The following SLC35F4 variants were observed in gnomAD, a reference collection of about 807,000 sequenced individuals.
SLC35F4 encodes the protein chromosome 14 open reading frame 36.
In SLC35F4, 24 loss-of-function variants were observed where a neutral mutation model predicts 44.2. The observed-to-expected ratio is 0.54, with a 90% CI of 0.39 to 0.76. The LOEUF (loss-of-function observed/expected upper bound fraction) is 0.76, where lower values mean the gene tolerates loss of function less well. Ranked by LOEUF, SLC35F4 falls within the 30% of genes least tolerant of loss-of-function variation. The probability of loss-of-function intolerance (pLI) is 0.00; values close to 1 mark genes in which losing one functional copy is unlikely to be tolerated. For missense variants in SLC35F4, 562 were observed against 586.1 expected (o/e 0.96, Z 0.42); for synonymous variants, 238 against 223.6 (o/e 1.06, Z -0.57).
At chr14:57,822,179 T>C (rs1470858958) in intron 1 of SLC35F4, among the ~76,000 whole-genome samples, 10 of 152,186 alleles carry the variant, frequency 6.6e-5, no homozygotes, top group Admixed American at 6.5e-4. Flanking sequence ...TTTACCTTTG[T>C]CTTGGAGCAC....
intron 3 of SLC35F4, among the ~76,000 whole-genome samples, chr14:57,586,633 T>C (rs61638240): frequency 0.34 from 50,154 of 145,710 alleles, 8,522 homozygotes; most frequent in Middle Eastern, 0.4. Flanking sequence ...CAGGAGAATG[T>C]CGTGAACCCA....
chr14:57,843,583 T>C (rs964769643), intron 1 of SLC35F4, among the ~76,000 whole-genome samples: 2 of 152,168 alleles, frequency 1.3e-5, no homozygotes, highest in Non-Finnish European at 2.9e-5. Flanking sequence ...TAATCTCACC[T>C]AAACTACCAC....
chr14:57,777,588 G>C (rs2077453358), intron 1 of SLC35F4, among the ~76,000 whole-genome samples: 1 of 151,958 alleles, frequency 6.6e-6, no homozygotes, highest in South Asian at 2.1e-4. Flanking sequence ...GAGAACACAT[G>C]GACACAGGGC....
intron 1 of SLC35F4, among the ~76,000 whole-genome samples, chr14:57,755,157 A>G (rs552481991): frequency 6.6e-6 from 1 of 152,252 alleles, no homozygotes; most frequent in Admixed American, 6.5e-5. Flanking sequence ...AGTGAACCCA[A>G]TTTAGTGGCC....
intron 1 of SLC35F4, among the ~76,000 whole-genome samples, chr14:57,879,517 G>A (rs922050141): frequency 4.6e-5 from 7 of 152,124 alleles, no homozygotes; most frequent in East Asian, 3.9e-4. Flanking sequence ...CCAACCATAC[G>A]CTTCAGCCAA....
intron 1 of SLC35F4, among the ~76,000 whole-genome samples, chr14:57,622,922 T>G (rs1594617929): frequency 6.6e-6 from 1 of 151,988 alleles, no homozygotes; most frequent in Admixed American, 6.6e-5. Flanking sequence ...GCAAAATAAC[T>G]AGCTAGCATC....
downstream of SLC35F4, among the ~76,000 whole-genome samples, chr14:57,976,525 C>T (rs924874816): frequency 3.9e-5 from 6 of 152,190 alleles, no homozygotes; most frequent in East Asian, 1.9e-4. Flanking sequence ...ACATCCCAAG[C>T]GGACTTGCAG....
At position 57,571,981 on chromosome 14, in the gene SLC35F4, C is replaced by A; in HGVS notation, c.846G>T (p.Met282Ile). Residue 282 changes from methionine (M) to isoleucine (I), a missense_variant, in exon 5 of 8, where the codon ATG (methionine) becomes ATT (isoleucine). Coordinates refer to ENST00000556826, the MANE Select transcript of SLC35F4 (RefSeq NM_001306087.2). ...CGTGGAAATTATCTGCATATGCCAT[C>A]ATGACAATGCCGGTAATTGCCATTA... is the stretch of plus-strand genomic sequence containing the variant. Reference protein sequence around the residue: ...AAIMAITGIVMMAYADNFHAD... With the variant: ...AAIMAITGIVIMAYADNFHAD... 1 of 1,611,740 alleles carries A rather than the reference C, an allele frequency of 6.2e-7. No individual in the cohort carries two copies.
chr14:57,574,209 T>G (rs887907244), intron 4 of SLC35F4, among the ~76,000 whole-genome samples: 5 of 152,218 alleles, frequency 3.3e-5, no homozygotes, highest in Non-Finnish European at 5.9e-5. Flanking sequence ...ATAAAGTTTC[T>G]ATTATGTTTC....
At chr14:57,814,044 A>G (rs1470602072) in intron 1 of SLC35F4, among the ~76,000 whole-genome samples, 1 of 152,178 alleles carries the variant, frequency 6.6e-6, no homozygotes, top group Non-Finnish European at 1.5e-5. Context: ...TGGCCTGAAA[A>G]AGCCCAGGAT....
intron 1 of SLC35F4, among the ~76,000 whole-genome samples, chr14:57,673,856 C>T (rs1535574): frequency 0.62 from 94,287 of 151,850 alleles, 29,565 homozygotes; most frequent in South Asian, 0.71. Flanking sequence ...CATTATTGTA[C>T]ACCACTAGCA....
In SLC35F4 at chr14:57,887,422, A is replaced by G. The variant is rs1267665039; in HGVS notation, n.282+94491T>C. Among the ~76,000 whole-genome samples, 12 of 152,210 alleles carry G rather than the reference A, an allele frequency of 7.9e-5. 1 individual carries two copies. Among genetic ancestry groups the G allele is most frequent in the Non-Finnish European group, 1.8e-4 (12 of 68,040 alleles). On this transcript the variant is annotated intron_variant and non_coding_transcript_variant, in intron 1 of 1. Coordinates refer to the SLC35F4 transcript ENST00000556568. ...CAGGTAATACAGACTGTTCTCTGCA[A>G]CCATCCTACTGAACCCGATAAACGG...
chr14:57,775,238 C>T (rs552718205), intron 1 of SLC35F4, among the ~76,000 whole-genome samples: 1 of 152,350 alleles, frequency 6.6e-6, no homozygotes, highest in African/African-American at 2.4e-5. Flanking sequence ...GGAACACCTG[C>T]ATGGAGGCCA....
chr14:57,874,970 G>GAATA (rs148708016), intron 1 of SLC35F4, among the ~76,000 whole-genome samples: 8,678 of 149,782 alleles, frequency 0.058, 283 homozygotes, highest in Middle Eastern at 0.13. Flanking sequence ...AGAGGCAGTG[G>GAATA]AATAAATAAA....
rs549053457 is a variant in SLC35F4, at chr14:57,969,062, G to A, written n.282+12851C>T. ...GAGGTCTTCATGGATCACAGTCTGAGAAGGTCATCTGACACATGAAGAGAC... is the reference window on the plus strand; with the variant it reads ...GAGGTCTTCATGGATCACAGTCTGAAAAGGTCATCTGACACATGAAGAGAC... On this transcript the variant is annotated intron_variant and non_coding_transcript_variant, in intron 1 of 1. Coordinates refer to the SLC35F4 transcript ENST00000556568. Among the ~76,000 whole-genome samples, 15 of 152,316 alleles carry A rather than the reference G, an allele frequency of 9.8e-5. No homozygotes were observed. In the East Asian group the frequency reaches 2.9e-3, roughly 29 times the overall value.
At chr14:57,601,152 T>C (rs972601158) in intron 1 of SLC35F4, among the ~76,000 whole-genome samples, 2 of 151,882 alleles carry the variant, frequency 1.3e-5, no homozygotes, top group African/African-American at 4.8e-5. Flanking sequence ...TATTTTTGTA[T>C]GCCTTATATA....
At chr14:57,639,607 T>C (rs1196234571) in intron 1 of SLC35F4, among the ~76,000 whole-genome samples, 1 of 152,016 alleles carries the variant, frequency 6.6e-6, no homozygotes, top group Non-Finnish European at 1.5e-5. Flanking sequence ...CATAATTCCA[T>C]ATCAAAATAA....
intron 1 of SLC35F4, among the ~76,000 whole-genome samples, chr14:57,643,691 T>C (rs1276512708): frequency 2.0e-5 from 3 of 152,154 alleles, no homozygotes; most frequent in Admixed American, 1.3e-4. Flanking sequence ...TATGTATACA[T>C]GTGCCATGCT....
intron 2 of SLC35F4, among the ~76,000 whole-genome samples, chr14:57,592,867 C>G (rs1016399904): frequency 6.6e-6 from 1 of 151,868 alleles, no homozygotes; most frequent in Non-Finnish European, 1.5e-5. Context: ...GTTTTACTAC[C>G]AACTTATTTT....
Sources: allele counts gnomAD v4.1 joint callset (sites outside exome capture counted in the v4.1 genomes callset), GRCh38; gene constraint gnomAD v4.1.1; transcripts MANE v1.5; gene names NCBI Gene and HGNC (gene_info 2026-07-23, HGNC 2026-07-21).